The following MAPRE3 variants were observed in gnomAD, a reference collection of about 807,000 sequenced individuals.
MAPRE3 encodes the protein microtubule associated protein RP/EB family member 3, also known as microtubule-associated protein RP/EB family member 3.
A neutral mutation model predicts 30.5 loss-of-function variants in MAPRE3; 2 were observed. That is an observed-to-expected ratio of 0.07 (90% confidence interval 0.03 to 0.21). The LOEUF is 0.21. Among genes scored for constraint, MAPRE3 ranks in the 10% least tolerant of loss-of-function variants. The pLI is 1.00. For synonymous variants in MAPRE3, 110 were observed against 127.7 expected (o/e 0.86, Z 0.93); for missense variants, 204 against 351.8 (o/e 0.58, Z 3.36).
At chr2:27,002,290 C>G (rs1666617560) in intron 1 of MAPRE3, among the ~76,000 whole-genome samples, 1 of 151,984 alleles carries the variant, frequency 6.6e-6, no homozygotes, top group African/African-American at 2.4e-5. Context: ...TCGGTGGTTT[C>G]CAGTTTTTCA....
At chr2:26,978,492 C>T (rs1666056750) in intron 1 of MAPRE3, among the ~76,000 whole-genome samples, 1 of 149,602 alleles carries the variant, frequency 6.7e-6, no homozygotes, top group Non-Finnish European at 1.5e-5. Flanking sequence ...CTGATTTGGT[C>T]CTTGATTTGT....
intron 1 of MAPRE3, among the ~76,000 whole-genome samples, chr2:26,990,181 CAA>C (rs1404994552): frequency 6.6e-6 from 1 of 152,092 alleles, no homozygotes; most frequent in Non-Finnish European, 1.5e-5. Context: ...TGAAAACAAA[CAA>C]AAAATTCCCA....
chr2:27,012,172 C>T (rs1666874802), intron 1 of MAPRE3: 1 of 151,042 alleles, frequency 6.6e-6, no homozygotes, highest in South Asian at 2.1e-4. Context: ...TGCCACTGCA[C>T]TCCAGCCTGG....
At chr2:27,017,540 A>G (rs2148224347) in intron 1 of MAPRE3, among the ~76,000 whole-genome samples, 1 of 152,264 alleles carries the variant, frequency 6.6e-6, no homozygotes, top group East Asian at 1.9e-4. Flanking sequence ...TCAAGCCGCT[A>G]TGTGGCTCTT....
intron 1 of MAPRE3, among the ~76,000 whole-genome samples, chr2:26,984,442 G>T (rs1298593070): frequency 6.6e-6 from 1 of 152,022 alleles, no homozygotes; most frequent in African/African-American, 2.4e-5. Context: ...TTTTTCATTT[G>T]TAGAAAAATT....
chr2:27,025,790 C>T, intron 5 of MAPRE3, 53 bp downstream of exon 5: 2 of 1,613,770 alleles, frequency 1.2e-6, no homozygotes, highest in Non-Finnish European at 1.7e-6. Flanking sequence ...AAAGCCAGGC[C>T]CTTGGGGTGT....
Position 27,026,637 on chromosome 2 carries a change from C to T in MAPRE3, c.*289C>T, listed in dbSNP as rs990477038. The T allele has an allele frequency of 3.3e-5, 12 of 363,152 alleles. No individual in the cohort carries two copies. In the South Asian group the frequency reaches 4.6e-4, roughly 14 times the overall value. 22.5% of individuals were successfully genotyped at this position (363,152 alleles called of 1,614,324 possible). On this transcript the variant is annotated 3_prime_UTR_variant, in exon 7 of 7. Transcript: ENST00000233121. ...CACTTCCCAGGGTGCTGCTGCCACCCGCCCCAGCCAGCCACCTGCTCCTGA... is the reference window on the plus strand; with the variant it reads ...CACTTCCCAGGGTGCTGCTGCCACCTGCCCCAGCCAGCCACCTGCTCCTGA...
At chr2:27,001,319 T>C (rs527916429) in intron 1 of MAPRE3, among the ~76,000 whole-genome samples, 1 of 152,300 alleles carries the variant, frequency 6.6e-6, no homozygotes, top group East Asian at 1.9e-4. Context: ...CTGTAGGCAA[T>C]TGGAACATAA....
intron 2 of MAPRE3, 110 bp downstream of exon 2, chr2:27,022,449 T>G (rs1004118246): frequency 7.2e-7 from 1 of 1,380,484 alleles, no homozygotes; most frequent in Non-Finnish European, 9.9e-7. Flanking sequence ...GCTGAATGAC[T>G]GATGTGGCCA....
At chr2:27,023,157 T>C (rs902220873) in intron 2 of MAPRE3, among the ~76,000 whole-genome samples, 175 bp from the exon 3 acceptor site, 4 of 152,228 alleles carry the variant, frequency 2.6e-5, no homozygotes, top group Non-Finnish European at 4.4e-5. Context: ...TAAATAGTCA[T>C]TGCTTTTATT....
chr2:26,973,337 A>G (rs1000052599), intron 1 of MAPRE3, among the ~76,000 whole-genome samples: 1 of 152,140 alleles, frequency 6.6e-6, no homozygotes, highest in Non-Finnish European at 1.5e-5. Flanking sequence ...GCCAGCACAC[A>G]TTGTGGGGTT....
intron 1 of MAPRE3, chr2:27,014,898 C>T (rs2148222327): frequency 6.6e-6 from 1 of 152,438 alleles, no homozygotes; most frequent in East Asian, 1.9e-4. Flanking sequence ...GGCATAGTCC[C>T]ACTTCAGGAA....
intron 2 of MAPRE3, 140 bp downstream of exon 2, chr2:27,022,479 G>C (rs545842967): frequency 3.1e-5 from 35 of 1,125,614 alleles, no homozygotes; most frequent in Non-Finnish European, 4.2e-5. Context: ...ATCCTTAGGC[G>C]ATGTTGTTGT....
intron 1 of MAPRE3, among the ~76,000 whole-genome samples, chr2:26,975,066 AT>A (rs1470083783): frequency 6.6e-6 from 1 of 152,226 alleles, no homozygotes; most frequent in Non-Finnish European, 1.5e-5. Context: ...TCTTTGCTCC[AT>A]GTATTCAGCC....
intron 1 of MAPRE3, among the ~76,000 whole-genome samples, chr2:27,020,426 C>G (rs1667086254): frequency 6.6e-6 from 1 of 152,212 alleles, no homozygotes; most frequent in Non-Finnish European, 1.5e-5. Flanking sequence ...AAAACACAGT[C>G]CTTTTGACCT....
chr2:26,972,771 G>A (rs570001683), intron 1 of MAPRE3, among the ~76,000 whole-genome samples: 9 of 152,336 alleles, frequency 5.9e-5, no homozygotes, highest in South Asian at 2.1e-4. Flanking sequence ...TAAGTAAAAT[G>A]TTCCTTTCCA....
chr2:26,996,528 C>T (rs552129239), intron 1 of MAPRE3, among the ~76,000 whole-genome samples: 4 of 152,200 alleles, frequency 2.6e-5, no homozygotes, highest in East Asian at 1.9e-4. Context: ...CAGGGCCGGG[C>T]GCGGTGGTTT....
intron 1 of MAPRE3, among the ~76,000 whole-genome samples, chr2:26,994,955 G>T (rs987213057): frequency 6.6e-6 from 1 of 151,394 alleles, no homozygotes; most frequent in Admixed American, 6.6e-5. Context: ...TCCTGCCTCA[G>T]CCTCCCGAGT....
intron 1 of MAPRE3, among the ~76,000 whole-genome samples, chr2:26,975,774 C>G (rs540346589): frequency 2.1e-4 from 30 of 145,132 alleles, no homozygotes; most frequent in African/African-American, 8.1e-4. Flanking sequence ...AAGCAGCTGC[C>G]TTTACTTGGA....
Sources: allele counts gnomAD v4.1 joint callset (sites outside exome capture counted in the v4.1 genomes callset), GRCh38; gene constraint gnomAD v4.1.1; transcripts MANE v1.5; gene names NCBI Gene and HGNC (gene_info 2026-07-23, HGNC 2026-07-21).